JDP2: variants seen among roughly 807,000 people sequenced by gnomAD.
JDP2 encodes progesterone receptor co-activator.
Under a neutral mutation model 17.1 loss-of-function variants are expected in JDP2, and 9 were observed. That is an observed-to-expected ratio of 0.53 (90% CI 0.32 to 0.92). JDP2 has a LOEUF of 0.92. Ranked by LOEUF, JDP2 falls within the 40% of genes least tolerant of loss-of-function variation. The probability of loss-of-function intolerance (pLI) is 0.04; values close to 1 mark genes in which losing one functional copy is unlikely to be tolerated. For synonymous variants in JDP2, 107 were observed against 95.6 expected (o/e 1.12, Z -0.69); for missense variants, 179 against 220.0 (o/e 0.81, Z 1.18).
Position 75,470,735 on chromosome 14 carries a change from G to A in JDP2, c.*1260G>A, listed in dbSNP as rs1886787412. 1 of 152,266 alleles carries A rather than the reference G, an allele frequency of 6.6e-6. No individual in the cohort carries two copies. Among genetic ancestry groups the A allele is most frequent in the Non-Finnish European group, 1.5e-5 (1 of 68,048 alleles). The allele number at this position is 152,266 out of a possible 1,614,324, so 9.4% of individuals were successfully genotyped here. The stretch of plus-strand genomic sequence containing the variant: ...TGAAACAGACCTAAGTCTTGCCCTT[G>A]TGGGGCCTCCAGTAAGGAGTGAATC... On this transcript the variant is annotated 3_prime_UTR_variant, in exon 4 of 4. Coordinates refer to ENST00000651602, the MANE Select transcript of JDP2 (RefSeq NM_001135048.2).
At chr14:75,453,453 TC>T (rs1885961216) in intron 2 of JDP2, among the ~76,000 whole-genome samples, 1 of 152,166 alleles carries the variant, frequency 6.6e-6, no homozygotes, top group East Asian at 1.9e-4. Flanking sequence ...TCCGCAGTAC[TC>T]CTTTCTGTGC....
At chr14:75,439,613 A>C (rs188715174) in intron 2 of JDP2, among the ~76,000 whole-genome samples, 2 of 152,330 alleles carry the variant, frequency 1.3e-5, no homozygotes, top group East Asian at 1.9e-4. Flanking sequence ...ATTTGTGCTC[A>C]AGACACGTGG....
At position 75,461,469 on chromosome 14, in the gene JDP2, A is replaced by G. The variant is rs1162740469; in HGVS notation, c.245A>G (p.Asn82Ser). ...EERRKRRREKNKVAAARCRNK... is the reference protein window; with the variant it reads ...EERRKRRREKSKVAAARCRNK... Reference sequence around the variant, plus strand: ...CGAAGGAAAAGGCGCCGGGAGAAGAACAAAGTCGCAGCAGCCCGATGCCGG... The same window carrying G: ...CGAAGGAAAAGGCGCCGGGAGAAGAGCAAAGTCGCAGCAGCCCGATGCCGG... Residue 82 changes from asparagine (N) to serine (S), a missense_variant, in exon 3 of 4, where the codon AAC becomes AGC. By Grantham distance (46) the Asn-to-Ser change is conservative (BLOSUM62 1). Transcript: ENST00000651602. The G allele has an allele frequency of 6.2e-7, 1 of 1,610,492 alleles. No individual in the cohort carries two copies. Among genetic ancestry groups the G allele is most frequent in the South Asian group, 1.1e-5 (1 of 89,748 alleles).
intron 2 of JDP2, among the ~76,000 whole-genome samples, chr14:75,452,712 G>A (rs1344436507): frequency 6.6e-6 from 1 of 152,232 alleles, no homozygotes; most frequent in Admixed American, 6.5e-5. Flanking sequence ...ACTGGGGCTA[G>A]TGTCCCCTCC....
intron 2 of JDP2, chr14:75,445,324 AC>A: frequency 2.0e-6 from 2 of 985,454 alleles, no homozygotes; most frequent in African/African-American, 3.5e-5. Context: ...GGGTTTAGCC[AC>A]CCTTCCAGGT....
chr14:75,442,243 A>G (rs993256910), intron 2 of JDP2, among the ~76,000 whole-genome samples: 1 of 152,146 alleles, frequency 6.6e-6, no homozygotes, highest in Non-Finnish European at 1.5e-5. Flanking sequence ...ATGAATTGCC[A>G]TATTTAAAAG....
At chr14:75,449,335 A>C (rs953659016) in intron 2 of JDP2, among the ~76,000 whole-genome samples, 31 of 152,224 alleles carry the variant, frequency 2.0e-4, no homozygotes, top group African/African-American at 7.2e-4. Context: ...TTGTTCATAA[A>C]TATTCTGTGC....
chr14:75,468,345 G>C (rs1230234418), intron 3 of JDP2, among the ~76,000 whole-genome samples: 1 of 152,110 alleles, frequency 6.6e-6, no homozygotes, highest in Non-Finnish European at 1.5e-5. Flanking sequence ...ATGTCTCCTG[G>C]GAGGCAAAAA....
chr14:75,470,292 A>T lies in JDP2; in HGVS notation c.*817A>T. On this transcript the variant is annotated 3_prime_UTR_variant, in exon 4 of 4. Coordinates refer to ENST00000651602, the MANE Select transcript of JDP2 (RefSeq NM_001135048.2). ...ATAAATATGCTATGGTTTGTTTGTT[A>T]TGAACAGATAGCCACCAGTTACGGC... 1 of 147,970 alleles carries T rather than the reference A, an allele frequency of 6.8e-6. No homozygotes were observed. 9.2% of individuals were successfully genotyped at this position (147,970 alleles called of 1,614,324 possible). A position where few individuals can be genotyped will look rare whatever the true frequency, so the allele number is the denominator to read the frequency against.
At chr14:75,456,333 C>T (rs1025671445) in intron 2 of JDP2, among the ~76,000 whole-genome samples, 1 of 152,246 alleles carries the variant, frequency 6.6e-6, no homozygotes, top group Non-Finnish European at 1.5e-5. Flanking sequence ...CTCTCCCCTT[C>T]TTCATCTCCG....
chr14:75,449,415 A>G (rs1885751213), intron 2 of JDP2, among the ~76,000 whole-genome samples: 1 of 152,228 alleles, frequency 6.6e-6, no homozygotes, highest in South Asian at 2.1e-4. Context: ...TTTTTGACCC[A>G]GTGTAATCAA....
chr14:75,454,642 C>T (rs1886019163), intron 2 of JDP2, among the ~76,000 whole-genome samples: 1 of 152,100 alleles, frequency 6.6e-6, no homozygotes, highest in South Asian at 2.1e-4. Context: ...AAGATAAGTG[C>T]TGTTAGTGAA....
intron 2 of JDP2, among the ~76,000 whole-genome samples, chr14:75,442,324 T>C (rs1374253269): frequency 6.6e-6 from 1 of 152,194 alleles, no homozygotes; most frequent in Non-Finnish European, 1.5e-5. Context: ...CACACCCTTA[T>C]ACACAACAAG....
intron 2 of JDP2, among the ~76,000 whole-genome samples, chr14:75,457,651 G>C (rs1291750807): frequency 6.6e-6 from 1 of 152,254 alleles, no homozygotes; most frequent in Non-Finnish European, 1.5e-5. Flanking sequence ...GGGCTTGGAA[G>C]CTGGTGGTGG....
intron 2 of JDP2, among the ~76,000 whole-genome samples, chr14:75,458,671 G>T (rs28369438): frequency 0.41 from 62,174 of 151,778 alleles, 12,892 homozygotes; most frequent in South Asian, 0.45. Context: ...TATATTCCTT[G>T]GGGTATATAC....
At chr14:75,467,699 G>A (rs1350390841) in intron 3 of JDP2, among the ~76,000 whole-genome samples, 4 of 152,088 alleles carry the variant, frequency 2.6e-5, no homozygotes, top group African/African-American at 7.2e-5. Context: ...GCCCCAGCCC[G>A]AGGGCTCACA....
chr14:75,432,974 G>A (rs1217070475), intron 1 of JDP2, among the ~76,000 whole-genome samples: 2 of 151,852 alleles, frequency 1.3e-5, no homozygotes, highest in African/African-American at 4.8e-5. Context: ...GGCTGAGGCG[G>A]GTGGATCACC....
chr14:75,450,958 C>T (rs527611435), intron 2 of JDP2, among the ~76,000 whole-genome samples: 2 of 152,270 alleles, frequency 1.3e-5, no homozygotes, highest in African/African-American at 4.8e-5. Context: ...AGGTGATGCT[C>T]CAGCTGCATG....
At chr14:75,439,813 G>A (rs1055199891) in intron 2 of JDP2, among the ~76,000 whole-genome samples, 4 of 152,296 alleles carry the variant, frequency 2.6e-5, no homozygotes, top group Middle Eastern at 3.4e-3. Flanking sequence ...TCCCAGGTCT[G>A]TAACTTGAGA....
Sources: gnomAD v4.1 joint callset for allele counts (sites outside exome capture counted in the v4.1 genomes callset) on GRCh38, gnomAD v4.1.1 for gene constraint, MANE v1.5 for transcripts, NCBI Gene and HGNC (gene_info 2026-07-23, HGNC 2026-07-21) for gene names.